COL16A1: variants seen among roughly 807,000 people sequenced by gnomAD.
The protein encoded by COL16A1 is collagen type XVI alpha 1 chain.
In COL16A1, 189 loss-of-function variants were observed where a neutral mutation model predicts 266.3. That is an observed-to-expected ratio of 0.71 (90% CI 0.63 to 0.80). COL16A1 has a LOEUF of 0.80. COL16A1 is among the 30% of genes least tolerant of loss of function. COL16A1 has a pLI of 0.00. For synonymous variants in COL16A1, 740 were observed against 782.3 expected (o/e 0.95, Z 0.90); for missense variants, 1,928 against 2,122.4 (o/e 0.91, Z 1.80).
In COL16A1 at chr1:31,652,555, ACAAC is replaced by A; in HGVS notation, c.*92_*95del. Reference sequence around the variant, plus strand: ...TTAACAGCAATTAAAAACAACAACAACAACAAAAAAAACATTCACAACCTGTCAC... The same window carrying A: ...TTAACAGCAATTAAAAACAACAACAAAAAAAAAACATTCACAACCTGTCAC... On this transcript the variant is annotated 3_prime_UTR_variant, in exon 71 of 71. Transcript: ENST00000373672. The surrounding 1 kb of genome is among the most constrained non-coding windows in gnomAD (Gnocchi z 4.8). The A allele has an allele frequency of 5.8e-6, 7 of 1,209,090 alleles. No homozygotes were observed. Among genetic ancestry groups the A allele is most frequent in the East Asian group, 2.8e-5 (1 of 36,212 alleles). The allele number at this position is 1,209,090 out of a possible 1,614,324, so 74.9% of individuals were successfully genotyped here.
rs774748751 is a variant in COL16A1 at position 31,697,917 on chromosome 1, T to G, written c.646A>C (p.Lys216Gln). 1.9e-6 allele frequency: 3 copies of G among 1,609,404 alleles called. No individual in the cohort carries two copies. Among genetic ancestry groups the G allele is most frequent in the South Asian group, 2.2e-5 (2 of 90,926 alleles). ...GACCTAGCACTCACCGAGACAGGCT[T>G]GCCCTGCTCAGCATCCAAGCCTAGA... ...VFLGLDAEQGKPVSFDLQQVH... is the reference protein window; with the variant it reads ...VFLGLDAEQGQPVSFDLQQVH... Residue 216 changes from lysine (K) to glutamine (Q), a missense_variant, in exon 6 of 71, where the codon AAG (lysine) becomes CAG (glutamine). Coordinates refer to ENST00000373672, the MANE Select transcript of COL16A1 (RefSeq NM_001856.4). This position sits in a 1 kb window ranked among gnomAD's most constrained non-coding sequence, Gnocchi z 4.2.
chr1:31,694,228 C>A, intron 11 of COL16A1, 58 bp from the exon 12 acceptor site: 1 of 1,487,356 alleles, frequency 6.7e-7, no homozygotes, highest in Non-Finnish European at 9.2e-7. Flanking sequence ...ACCAGGGGCC[C>A]AGAGAAGTCA....
chr1:31,686,020 A>C (rs1643953419), intron 28 of COL16A1, 71 bp downstream of exon 28: 1 of 1,595,592 alleles, frequency 6.3e-7, no homozygotes, highest in Admixed American at 1.7e-5. Context: ...GAGGGTTCGA[A>C]GTCGAGCAAG....
chr1:31,660,771 C>T lies in COL16A1; in HGVS notation c.3826-133G>A, dbSNP rs576470731. On this transcript the variant is annotated intron_variant, in intron 61 of 70. Coordinates refer to ENST00000373672, the MANE Select transcript of COL16A1 (RefSeq NM_001856.4). The stretch of plus-strand genomic sequence containing the variant: ...CAAAGGAGCTGGGCCAATTCCCAGC[C>T]TCCAGACCCAAGTTTCCCGGAGAGT... 149 of 1,334,196 alleles carry T rather than the reference C, an allele frequency of 1.1e-4. 1 individual carries two copies. Among genetic ancestry groups the T allele is most frequent in the Middle Eastern group, 5.2e-4 (2 of 3,822 alleles). The allele number at this position is 1,334,196 out of a possible 1,614,324, so 82.6% of individuals were successfully genotyped here.
At position 31,685,708 on chromosome 1, in the gene COL16A1, CA is replaced by C; in HGVS notation, c.1946del (p.Val649GlyfsTer32). On this transcript the variant is annotated frameshift_variant, in exon 29 of 71. Coordinates refer to ENST00000373672, the MANE Select transcript of COL16A1 (RefSeq NM_001856.4). LOFTEE classifies it high-confidence loss of function. The surrounding 1 kb of genome is among the most constrained non-coding windows in gnomAD (Gnocchi z 4.0). ...SNLQDGDVRVVALPGPSGEKG... is the reference protein window; with the variant it reads ...SNLQDGDVRVXALPGPSGEKG... Reference sequence around the variant, plus strand: ...TCTCTCCGGATGGGCCAGGCAAGGCCACCACACGGACATCCCCATCCTGAAG... The same window carrying C: ...TCTCTCCGGATGGGCCAGGCAAGGCCCCACACGGACATCCCCATCCTGAAG... 1 of 1,614,002 alleles carries C rather than the reference CA, an allele frequency of 6.2e-7. No individual in the cohort carries two copies. Among genetic ancestry groups the C allele is most frequent in the Non-Finnish European group, 8.5e-7 (1 of 1,180,026 alleles).
At position 31,698,694 on chromosome 1, in the gene COL16A1, C is replaced by A; in HGVS notation, c.267-88G>T. ...GAGCCCTCAGGACTGCTGAGCCTAC[C>A]CAAGACATCCACAGGCACACATCTT... On this transcript the variant is annotated intron_variant, in intron 4 of 70. Transcript: ENST00000373672. The surrounding 1 kb of genome is among the most constrained non-coding windows in gnomAD (Gnocchi z 4.1). 6.4e-7 allele frequency: 1 copy of A among 1,552,692 alleles called. No homozygotes were observed. The highest frequency in any genetic ancestry group is 1.2e-5 in the South Asian group (1 of 82,580).
intron 58 of COL16A1, 146 bp downstream of exon 58, chr1:31,662,188 A>G: frequency 7.0e-7 from 1 of 1,436,144 alleles, no homozygotes; most frequent in Non-Finnish European, 9.5e-7. Context: ...GAGCTGGGGT[A>G]GAGGGAGACA....
chr1:31,661,150 C>T (rs1171905296), intron 60 of COL16A1, 31 bp from the exon 61 acceptor site: 2 of 1,554,434 alleles, frequency 1.3e-6, no homozygotes, highest in South Asian at 1.2e-5. Context: ...TGGAGCTTAC[C>T]AGACCTTCAC....
At chr1:31,653,105 A>G (rs1315645303) in intron 70 of COL16A1, among the ~76,000 whole-genome samples, 2 of 152,204 alleles carry the variant, frequency 1.3e-5, no homozygotes, top group Non-Finnish European at 2.9e-5. Flanking sequence ...AATCTGCACA[A>G]TTTCCTGAGA....
Position 31,656,283 on chromosome 1 carries a change from T to C in COL16A1, c.4101+117A>G. On this transcript the variant is annotated intron_variant, in intron 66 of 70. Transcript: ENST00000373672. The surrounding 1 kb of genome is among the most constrained non-coding windows in gnomAD (Gnocchi z 4.2). Reference sequence around the variant, plus strand: ...CTATCCTGCTCCAAGTTCTGCATTTTTGCCCCCTGCCCACTGGCCTTCCTG... The same window carrying C: ...CTATCCTGCTCCAAGTTCTGCATTTCTGCCCCCTGCCCACTGGCCTTCCTG... The C allele has an allele frequency of 6.6e-7, 1 of 1,517,672 alleles. No individual in the cohort carries two copies. The highest frequency in any genetic ancestry group is 1.2e-5 in the South Asian group (1 of 81,540). 94.0% of individuals were successfully genotyped at this position (1,517,672 alleles called of 1,614,324 possible).
intron 56 of COL16A1, 99 bp downstream of exon 56, chr1:31,665,073 T>A: frequency 6.5e-7 from 1 of 1,532,294 alleles, no homozygotes; most frequent in Non-Finnish European, 8.8e-7. Context: ...ACTGGGTCAG[T>A]CTTGGAATTT....
chr1:31,695,080 T>C (rs1350329691), intron 11 of COL16A1, 106 bp downstream of exon 11: 2 of 1,186,534 alleles, frequency 1.7e-6, no homozygotes, highest in South Asian at 1.3e-5. Flanking sequence ...TGTGAAAGTG[T>C]ACAAAGACCC....
chr1:31,657,065 C>G lies in COL16A1; in HGVS notation c.4024G>C (p.Glu1342Gln). The G allele has an allele frequency of 1.2e-6, 2 of 1,614,196 alleles. No individual in the cohort carries two copies. The highest frequency in any genetic ancestry group is 1.7e-4 in the Middle Eastern group (1 of 6,060). Residue 1342 changes from glutamate to glutamine, a missense_variant, in exon 65 of 71, where the codon GAA (glutamate) becomes CAA (glutamine). Transcript: ENST00000373672. The surrounding 1 kb of genome is among the most constrained non-coding windows in gnomAD (Gnocchi z 6.4). ...GPPGHPGPPG[E>Q]PGTDGAAGKE... ...CCAGCTGCACCATCCGTACCAGGTT[C>G]GCCCTGGGGAGTAGAGAGCAATGGA...
chr1:31,655,656 T>A, intron 66 of COL16A1, 154 bp from the exon 67 acceptor site: 2 of 1,321,580 alleles, frequency 1.5e-6, no homozygotes, highest in South Asian at 2.9e-5. Context: ...TGCCCCAGAG[T>A]GGTCCTTCTA....
chr1:31,692,935 C>A, intron 13 of COL16A1, 127 bp from the exon 14 acceptor site: 2 of 1,040,966 alleles, frequency 1.9e-6, no homozygotes, highest in Non-Finnish European at 2.9e-6. Context: ...GCTTCTACAC[C>A]CAAACCCCTA....
intron 56 of COL16A1, 123 bp downstream of exon 56, chr1:31,665,049 C>A: frequency 1.4e-6 from 2 of 1,437,436 alleles, no homozygotes; most frequent in South Asian, 2.5e-5. Context: ...GCCTCTTTTC[C>A]CAGCCTCAGT....
intron 37 of COL16A1, among the ~76,000 whole-genome samples, 164 bp downstream of exon 37, chr1:31,682,770 C>T (rs1643735555): frequency 6.6e-6 from 1 of 152,220 alleles, no homozygotes; most frequent in African/African-American, 2.4e-5. Context: ...TTCAAGCATT[C>T]CCCTAAAAGA....
intron 42 of COL16A1, among the ~76,000 whole-genome samples, chr1:31,679,013 C>T (rs1324207660): frequency 6.6e-6 from 1 of 152,260 alleles, no homozygotes; most frequent in African/African-American, 2.4e-5. Context: ...CTATCCCTCA[C>T]AGCTTCTCAT....
At chr1:31,653,744 GAAA>G in intron 69 of COL16A1, 68 bp from the exon 70 acceptor site, 1 of 1,533,698 alleles carries the variant, frequency 6.5e-7, no homozygotes, top group Non-Finnish European at 8.8e-7. Context: ...CAGATTACTT[GAAA>G]CACACACACA....
Sources: gnomAD v4.1 joint callset for allele counts (sites outside exome capture counted in the v4.1 genomes callset) on GRCh38, gnomAD v4.1.1 for gene constraint, Gnocchi (gnomAD v3.1) non-coding constraint, MANE v1.5 for transcripts, NCBI Gene and HGNC (gene_info 2026-07-23, HGNC 2026-07-21) for gene names.